Variants in RPRD2 observed in about 807,000 individuals in gnomAD.
The protein encoded by RPRD2 is regulation of nuclear pre-mRNA domain containing 2.
Under a neutral mutation model 104.4 loss-of-function variants are expected in RPRD2, and 12 were observed. The observed-to-expected ratio is 0.11, with a 90% CI of 0.07 to 0.19. RPRD2 has a LOEUF of 0.19. RPRD2 is among the 10% of genes least tolerant of loss of function. RPRD2 has a pLI of 1.00. For missense variants in RPRD2, 1,543 were observed against 1,790.1 expected (o/e 0.86, Z 2.49); for synonymous variants, 714 against 684.9 (o/e 1.04, Z -0.66).
At chr1:150,372,173 A>G (rs1281407064) in intron 1 of RPRD2, among the ~76,000 whole-genome samples, 1 of 152,226 alleles carries the variant, frequency 6.6e-6, no homozygotes, top group African/African-American at 2.4e-5. Context: ...GGGTAGATAC[A>G]GACCCTAACT....
rs1160491386 is a variant in RPRD2, at chr1:150,431,473, A to ATTTTTTTTTT, written c.336-9435_336-9426dup. Among the ~76,000 whole-genome samples the ATTTTTTTTTT allele has an allele frequency of 5.7e-3, 449 of 78,766 alleles. 23 individuals are homozygous for ATTTTTTTTTT. The highest frequency in any genetic ancestry group is 0.019 in the East Asian group (36 of 1,912). 51.7% of individuals were successfully genotyped at this position (78,766 alleles called of 152,430 possible). On this transcript the variant is annotated intron_variant, in intron 2 of 10. Coordinates refer to ENST00000369068, the MANE Select transcript of RPRD2 (RefSeq NM_015203.5). ...TATTATTCAGTCTTAAAAAGGAAGG[A>ATTTTTTTTTT]TTTTTTTTTTTTTTTTTTTTTTTTG... is the stretch of plus-strand genomic sequence containing the variant.
intron 2 of RPRD2, among the ~76,000 whole-genome samples, chr1:150,423,041 C>G (rs1664870768): frequency 6.6e-6 from 1 of 152,006 alleles, no homozygotes; most frequent in Non-Finnish European, 1.5e-5. Flanking sequence ...TTTAGATATA[C>G]TAGTTATTAT....
chr1:150,408,135 A>G (rs587690721), intron 1 of RPRD2, among the ~76,000 whole-genome samples: 20 of 145,572 alleles, frequency 1.4e-4, no homozygotes, highest in African/African-American at 4.9e-4. Context: ...AGAAAATAAC[A>G]TTTATTTTAA....
chr1:150,439,836 T>G (rs1666289997), intron 2 of RPRD2, among the ~76,000 whole-genome samples: 1 of 152,184 alleles, frequency 6.6e-6, no homozygotes, highest in African/African-American at 2.4e-5. Context: ...GTTTGATTCC[T>G]CTCCCTGACA....
At chr1:150,376,133 T>G (rs910544149) in intron 1 of RPRD2, among the ~76,000 whole-genome samples, 4 of 152,224 alleles carry the variant, frequency 2.6e-5, no homozygotes, top group Admixed American at 6.5e-5. Flanking sequence ...ATTCTCTTGT[T>G]TTTAGAGAAA....
intron 1 of RPRD2, among the ~76,000 whole-genome samples, chr1:150,404,625 T>A (rs12139488): frequency 0.22 from 32,658 of 151,620 alleles, 3,939 homozygotes; most frequent in African/African-American, 0.3. Context: ...TAAAAAAAAA[T>A]TTTTTTTGAA....
At position 150,464,746 on chromosome 1, in the gene RPRD2, A is replaced by G; in HGVS notation, c.1612+19A>G. On this transcript the variant is annotated intron_variant, in intron 10 of 10. Transcript: ENST00000369068. ...CTGCAAGGTAACTGACATATGCCAG[A>G]GGGACTCGAATTGTGAATGTTTGTC... 1 of 1,584,528 alleles carries G rather than the reference A, an allele frequency of 6.3e-7. No homozygotes were observed. Among genetic ancestry groups the G allele is most frequent in the Non-Finnish European group, 8.6e-7 (1 of 1,158,324 alleles).
rs6685038 is a variant in RPRD2, at chr1:150,408,012, G to A, written c.206-9584G>A. On this transcript the variant is annotated intron_variant, in intron 1 of 10. Coordinates refer to ENST00000369068, the MANE Select transcript of RPRD2 (RefSeq NM_015203.5). ...CAGCCTTGACCCCCCGGGCTCAACC[G>A]ATCCTTACATCTTGACCTCCCAAAA... Among the ~76,000 whole-genome samples, 1,350 of 151,956 alleles carry A rather than the reference G, an allele frequency of 8.9e-3. 26 individuals carry two copies. Among genetic ancestry groups the A allele is most frequent in the African/African-American group, 0.031 (1,270 of 41,438 alleles).
rs766999499 is a variant in RPRD2 at position 150,471,700 on chromosome 1, G to A, written c.2752G>A (p.Val918Ile). Residue 918 changes from valine to isoleucine, a missense_variant, in exon 11 of 11, where the codon GTA becomes ATA. Coordinates refer to ENST00000369068, the MANE Select transcript of RPRD2 (RefSeq NM_015203.5). This position sits in a 1 kb window ranked among gnomAD's most constrained non-coding sequence, Gnocchi z 5.3. ...CCCTGGGCTATTTGGTGCCTTCAGC[G>A]TAAGAGGGAATGAACCTGGGTCTGA... is the stretch of plus-strand genomic sequence containing the variant. ...SSPGLFGAFS[V>I]RGNEPGSDRS... 1.5e-5 allele frequency: 25 copies of A among 1,613,724 alleles called. No individual in the cohort carries two copies. In the South Asian group the frequency reaches 1.6e-4, roughly 11 times the overall value.
chr1:150,369,623 A>ATTTTTTT (rs61016870), intron 1 of RPRD2, among the ~76,000 whole-genome samples: 31 of 68,858 alleles, frequency 4.5e-4, no homozygotes, highest in African/African-American at 1.2e-3. Flanking sequence ...CGCCCAGCTA[A>ATTTTTTT]TTTTTTTTTT....
chr1:150,453,951 TCA>T (rs1667359008), intron 7 of RPRD2, among the ~76,000 whole-genome samples: 1 of 152,182 alleles, frequency 6.6e-6, no homozygotes, highest in Admixed American at 6.6e-5. Flanking sequence ...CACCTCTGGT[TCA>T]CTCCAGCTTC....
chr1:150,473,352 G>A lies in RPRD2; in HGVS notation c.*18G>A, dbSNP rs866941824. On this transcript the variant is annotated 3_prime_UTR_variant, in exon 11 of 11. Coordinates refer to ENST00000369068, the MANE Select transcript of RPRD2 (RefSeq NM_015203.5). ...GGTACTGATGGAAACCAAGGGAAAGGCATTTTGAACAGTCTAGAGAACATT... is the reference window on the plus strand; with the variant it reads ...GGTACTGATGGAAACCAAGGGAAAGACATTTTGAACAGTCTAGAGAACATT... 6.3e-7 allele frequency: 1 copy of A among 1,588,346 alleles called. No individual in the cohort carries two copies. The highest frequency in any genetic ancestry group is 8.6e-7 in the Non-Finnish European group (1 of 1,167,788).
chr1:150,418,658 A>C (rs188619168), intron 2 of RPRD2, among the ~76,000 whole-genome samples: 1 of 152,184 alleles, frequency 6.6e-6, no homozygotes, highest in African/African-American at 2.4e-5. Flanking sequence ...TGAAGATTCA[A>C]AGTTCACATT....
chr1:150,434,261 C>A (rs1665846464), intron 2 of RPRD2, among the ~76,000 whole-genome samples: 1 of 152,096 alleles, frequency 6.6e-6, no homozygotes, highest in Non-Finnish European at 1.5e-5. Context: ...GAGGCTGAGG[C>A]AAGAAAATTG....
Position 150,457,467 on chromosome 1 carries a change from C to T in RPRD2, c.1050C>T (p.Thr350=). 6.2e-7 allele frequency: 1 copy of T among 1,613,808 alleles called. No individual in the cohort carries two copies. Among genetic ancestry groups the T allele is most frequent in the Non-Finnish European group, 8.5e-7 (1 of 1,179,804 alleles). The part of the protein sequence containing the change: ...GMGGEESQSP[T]MESEKSATPE... Reference sequence around the variant, plus strand: ...GAGGTGAGGAATCCCAGTCACCAACCATGGAGAGTGAGAAATCTGCCACAC... The same window carrying T: ...GAGGTGAGGAATCCCAGTCACCAACTATGGAGAGTGAGAAATCTGCCACAC... The change falls in exon 8 of 11, where the codon ACC becomes ACT. Residue 350 remains threonine, a synonymous_variant. Coordinates refer to ENST00000369068, the MANE Select transcript of RPRD2 (RefSeq NM_015203.5).
chr1:150,445,953 A>G (rs1161206574), intron 6 of RPRD2, among the ~76,000 whole-genome samples: 4 of 152,090 alleles, frequency 2.6e-5, no homozygotes, highest in African/African-American at 9.7e-5. Flanking sequence ...CTGTAGTCCC[A>G]GCCACTCGGG....
At chr1:150,457,869 G>A (rs971710444) in intron 8 of RPRD2, among the ~76,000 whole-genome samples, 1 of 152,046 alleles carries the variant, frequency 6.6e-6, no homozygotes, top group Non-Finnish European at 1.5e-5. Context: ...TCAGGAGTTC[G>A]AGACCACCCT....
intron 3 of RPRD2, chr1:150,441,240 T>A (rs1303670305): frequency 2.3e-6 from 1 of 431,586 alleles, no homozygotes; most frequent in Non-Finnish European, 4.1e-6. Flanking sequence ...TGTTTTTTAG[T>A]GACTACAAAA....
At chr1:150,457,763 C>T (rs1667638182) in intron 8 of RPRD2, among the ~76,000 whole-genome samples, 193 bp downstream of exon 8, 1 of 152,180 alleles carries the variant, frequency 6.6e-6, no homozygotes, top group African/African-American at 2.4e-5. Flanking sequence ...TGCTCAGTAT[C>T]TGCACTGTTA....
Sources: gnomAD v4.1 joint callset for allele counts (sites outside exome capture counted in the v4.1 genomes callset) on GRCh38, gnomAD v4.1.1 for gene constraint, Gnocchi (gnomAD v3.1) non-coding constraint, MANE v1.5 for transcripts, NCBI Gene and HGNC (gene_info 2026-07-23, HGNC 2026-07-21) for gene names.